Variants in INPP4B observed in about 807,000 individuals in gnomAD.
INPP4B encodes the protein inositol polyphosphate-4-phosphatase type II B.
INPP4B carries 55 observed loss-of-function variants against 122.5 expected under a neutral mutation model. That is an observed-to-expected ratio of 0.45 (90% CI 0.36 to 0.56). The LOEUF (loss-of-function observed/expected upper bound fraction) is 0.56, where lower values mean the gene tolerates loss of function less well. Among genes scored for constraint, INPP4B ranks in the 20% least tolerant of loss-of-function variants. The pLI is 0.00. For missense variants in INPP4B, 1,000 were observed against 1,097.7 expected, an observed-to-expected ratio of 0.91 and a Z score of 1.26; for synonymous variants, 403 against 388.7, an observed-to-expected ratio of 1.04 and a Z score of -0.43.
At chr4:142,218,343 G>A (rs1260671968) in intron 12 of INPP4B, among the ~76,000 whole-genome samples, 1 of 152,170 alleles carries the variant, frequency 6.6e-6, no homozygotes, top group Non-Finnish European at 1.5e-5. Flanking sequence ...AATCTCTTTA[G>A]TTCTGAGGCC....
intron 1 of INPP4B, among the ~76,000 whole-genome samples, chr4:142,755,701 T>C (rs1260978082): frequency 6.6e-6 from 1 of 152,064 alleles, no homozygotes; most frequent in Non-Finnish European, 1.5e-5. Flanking sequence ...TAAAATAACA[T>C]GTGATCAGTA....
intron 2 of INPP4B, among the ~76,000 whole-genome samples, chr4:142,632,357 G>A (rs1472729387): frequency 2.6e-5 from 4 of 152,100 alleles, no homozygotes; most frequent in Non-Finnish European, 2.9e-5. Context: ...AATATTACAT[G>A]ATTTCACTCA....
chr4:142,361,184 T>C (rs1023197522), intron 7 of INPP4B, among the ~76,000 whole-genome samples: 1 of 152,010 alleles, frequency 6.6e-6, no homozygotes, highest in African/African-American at 2.4e-5. Context: ...TCATGGCTAC[T>C]GTGATCATTT....
At chr4:142,630,206 T>C (rs1747627279) in intron 2 of INPP4B, among the ~76,000 whole-genome samples, 1 of 152,118 alleles carries the variant, frequency 6.6e-6, no homozygotes. Context: ...GATATATTCC[T>C]CAGTGTTTTG....
At chr4:142,806,153 C>T (rs1365203789) in intron 1 of INPP4B, among the ~76,000 whole-genome samples, 3 of 151,762 alleles carry the variant, frequency 2.0e-5, no homozygotes, top group Non-Finnish European at 4.4e-5. Context: ...GTGGCGGGCG[C>T]CTGTAGTCCC....
chr4:142,252,193 T>C (rs954887602), intron 11 of INPP4B, among the ~76,000 whole-genome samples: 2 of 149,338 alleles, frequency 1.3e-5, no homozygotes, highest in East Asian at 2.1e-4. Context: ...GTCATTTTTT[T>C]TTTTTTTTTT....
At chr4:142,725,941 T>C (rs1410713239) in intron 1 of INPP4B, 40 bp from the exon 2 acceptor site, 9 of 397,446 alleles carry the variant, frequency 2.3e-5, no homozygotes, top group Non-Finnish European at 3.6e-5. Flanking sequence ...AAACAACCTT[T>C]CTTTTTTCCT....
chr4:142,202,659 C>T (rs1841143554), intron 14 of INPP4B: 1 of 808,966 alleles, frequency 1.2e-6, no homozygotes, highest in Non-Finnish European at 1.5e-6. Flanking sequence ...ATTTTGGCTA[C>T]TGTTGGACCT....
intron 1 of INPP4B, among the ~76,000 whole-genome samples, chr4:142,842,621 T>TTA (rs1263158444): frequency 1.5e-5 from 2 of 135,464 alleles, no homozygotes; most frequent in East Asian, 4.0e-4. Flanking sequence ...TATAATATAT[T>TTA]TATATATAAT....
chr4:142,568,304 C>T (rs971375359), intron 2 of INPP4B, among the ~76,000 whole-genome samples: 2 of 151,826 alleles, frequency 1.3e-5, no homozygotes, highest in African/African-American at 4.8e-5. Context: ...AGACCTGAAA[C>T]TTCATCACTT....
intron 25 of INPP4B, among the ~76,000 whole-genome samples, chr4:142,049,522 T>C (rs1753342356): frequency 6.6e-6 from 1 of 152,050 alleles, no homozygotes; most frequent in African/African-American, 2.4e-5. Context: ...AAGGTTGTTT[T>C]TTACATCAAT....
At chr4:142,476,979 T>C (rs989128267) in intron 2 of INPP4B, among the ~76,000 whole-genome samples, 2 of 152,170 alleles carry the variant, frequency 1.3e-5, no homozygotes, top group Admixed American at 1.3e-4. Flanking sequence ...TCTAGAATAC[T>C]CTCCATCCCA....
intron 7 of INPP4B, among the ~76,000 whole-genome samples, chr4:142,391,277 G>C (rs1473052038): frequency 1.3e-5 from 2 of 152,192 alleles, no homozygotes; most frequent in African/African-American, 2.4e-5. Context: ...CATGGACTCG[G>C]CTGGGCATGG....
At chr4:142,415,377 TG>T (rs972529563) in intron 5 of INPP4B, among the ~76,000 whole-genome samples, 5 of 152,040 alleles carry the variant, frequency 3.3e-5, no homozygotes, top group African/African-American at 1.2e-4. Context: ...CACAAAATGG[TG>T]TCAGGCAGAA....
At position 142,030,230 on chromosome 4, in the gene INPP4B, A is replaced by AGTT. The variant is rs758498728; in HGVS notation, c.2643-1319_2643-1317dup. The AGTT allele has an allele frequency of 8.5e-6, 13 of 1,535,578 alleles. No individual in the cohort carries two copies. The African/African-American group carries it at 1.6e-4, about 19-fold the overall frequency. ...AGGCGACAGGATAGAAGTGTCGAGA[A>AGTT]GTTGGCTTGTTATCAGTTAGACAGC... On this transcript the variant is annotated intron_variant, in intron 25 of 25. Coordinates refer to ENST00000262992, the MANE Select transcript of INPP4B (RefSeq NM_001101669.3).
intron 7 of INPP4B, among the ~76,000 whole-genome samples, chr4:142,387,501 A>G (rs1028310777): frequency 1.3e-5 from 2 of 151,862 alleles, no homozygotes; most frequent in Non-Finnish European, 2.9e-5. Flanking sequence ...AAAAGAAAGA[A>G]AAAAAGATTT....
At chr4:142,631,520 A>T (rs1747947754) in intron 2 of INPP4B, among the ~76,000 whole-genome samples, 1 of 152,164 alleles carries the variant, frequency 6.6e-6, no homozygotes, top group African/African-American at 2.4e-5. Flanking sequence ...TAATTGCATT[A>T]TTGGAAACAA....
intron 2 of INPP4B, among the ~76,000 whole-genome samples, chr4:142,650,912 A>AT (rs1752818799): frequency 6.6e-6 from 1 of 152,310 alleles, no homozygotes; most frequent in East Asian, 1.9e-4. Context: ...AATCAACAGA[A>AT]TATGCATTCT....
chr4:142,398,832 A>G (rs1800618200), intron 7 of INPP4B, among the ~76,000 whole-genome samples: 2 of 152,148 alleles, frequency 1.3e-5, no homozygotes, highest in African/African-American at 4.8e-5. Flanking sequence ...AAAATGTCTT[A>G]GGACTACATC....
Sources: gnomAD v4.1 joint callset for allele counts (sites outside exome capture counted in the v4.1 genomes callset) on GRCh38, gnomAD v4.1.1 for gene constraint, MANE v1.5 for transcripts, NCBI Gene and HGNC (gene_info 2026-07-23, HGNC 2026-07-21) for gene names.